Variants in UNC5D observed in about 807,000 individuals in gnomAD.
UNC5D encodes the protein unc-5 netrin receptor D.
Under a neutral mutation model 105.4 loss-of-function variants are expected in UNC5D, and 39 were observed. That is an observed-to-expected ratio of 0.37 (90% CI 0.29 to 0.48). The LOEUF (loss-of-function observed/expected upper bound fraction) is 0.48, where lower values mean the gene tolerates loss of function less well. Ranked by LOEUF, UNC5D falls within the 20% of genes least tolerant of loss-of-function variation. The pLI, the probability that UNC5D is intolerant of heterozygous loss-of-function variation, is 0.98. For missense variants in UNC5D, 991 were observed against 1,202.4 expected (o/e 0.82, Z 2.60); for synonymous variants, 452 against 450.4 (o/e 1.00, Z -0.04).
intron 1 of UNC5D, among the ~76,000 whole-genome samples, chr8:35,416,527 A>G (rs1241379455): frequency 1.3e-5 from 2 of 152,202 alleles, no homozygotes; most frequent in Non-Finnish European, 2.9e-5. Flanking sequence ...GTCACTTACA[A>G]GAGATAAATT....
chr8:35,587,135 C>T (rs1486664953), intron 3 of UNC5D, among the ~76,000 whole-genome samples: 1 of 152,178 alleles, frequency 6.6e-6, no homozygotes, highest in African/African-American at 2.4e-5. Flanking sequence ...CCTCTCCCTC[C>T]TCTTCACTTC....
intron 1 of UNC5D, among the ~76,000 whole-genome samples, chr8:35,459,077 T>G (rs1204716337): frequency 1.3e-5 from 2 of 152,202 alleles, no homozygotes; most frequent in Non-Finnish European, 2.9e-5. Flanking sequence ...ATGAGCTGGT[T>G]GGTTATCTCC....
In UNC5D at chr8:35,704,065, T is replaced by TA. The variant is rs199596460; in HGVS notation, c.1085-1855dup. 9.6e-4 allele frequency among the ~76,000 whole-genome samples: 145 copies of TA among 151,746 alleles called. No individual in the cohort carries two copies. The Middle Eastern group carries it at 0.01, about 11-fold the overall frequency. On this transcript the variant is annotated intron_variant, in intron 7 of 16. Transcript: ENST00000404895. ...CTCTGTTTTAAGAAACCTGACTATG[T>TA]AAAAAAAAATCTGACTATGATCATA...
intron 1 of UNC5D, among the ~76,000 whole-genome samples, chr8:35,420,728 A>G (rs1426960125): frequency 7.6e-6 from 1 of 131,232 alleles, no homozygotes; most frequent in Non-Finnish European, 1.7e-5. Flanking sequence ...ATTAAATGGT[A>G]TTAATACCAT....
At chr8:35,316,407 T>C (rs1585567340) in intron 1 of UNC5D, among the ~76,000 whole-genome samples, 2 of 152,172 alleles carry the variant, frequency 1.3e-5, no homozygotes, top group African/African-American at 4.8e-5. Context: ...TGCTAATTGA[T>C]CCTGTAAAGA....
At chr8:35,556,319 A>G (rs1365057988) in intron 2 of UNC5D, among the ~76,000 whole-genome samples, 2 of 152,254 alleles carry the variant, frequency 1.3e-5, no homozygotes, top group African/African-American at 4.8e-5. Context: ...GCAGGTAAAT[A>G]TTTGCCCTTT....
At chr8:35,785,989 A>C (rs1317411349) in intron 16 of UNC5D, among the ~76,000 whole-genome samples, 1 of 152,116 alleles carries the variant, frequency 6.6e-6, no homozygotes, top group Non-Finnish European at 1.5e-5. Context: ...TTGATTTCGC[A>C]ATAATGAAAC....
At chr8:35,469,850 A>C (rs1018994611) in intron 1 of UNC5D, among the ~76,000 whole-genome samples, 1 of 152,206 alleles carries the variant, frequency 6.6e-6, no homozygotes, top group Non-Finnish European at 1.5e-5. Flanking sequence ...AAATATCAAA[A>C]TATGATACAG....
At chr8:35,321,011 T>C (rs1321117034) in intron 1 of UNC5D, among the ~76,000 whole-genome samples, 1 of 152,202 alleles carries the variant, frequency 6.6e-6, no homozygotes, top group Admixed American at 6.6e-5. Context: ...CTTTGTTCTC[T>C]GGAGCATTCC....
At chr8:35,688,217 C>T (rs903629119) in intron 7 of UNC5D, among the ~76,000 whole-genome samples, 5 of 150,176 alleles carry the variant, frequency 3.3e-5, no homozygotes, top group Admixed American at 2.7e-4. Context: ...GTCGCCTTCT[C>T]GGAAATTTCT....
At chr8:35,635,225 A>G (rs764435768) in intron 4 of UNC5D, among the ~76,000 whole-genome samples, 2 of 151,688 alleles carry the variant, frequency 1.3e-5, no homozygotes, top group Non-Finnish European at 2.9e-5. Context: ...TTCCTCCTCC[A>G]TGTCAGGTAT....
At chr8:35,443,972 T>A (rs1467159674) in intron 1 of UNC5D, among the ~76,000 whole-genome samples, 2 of 152,036 alleles carry the variant, frequency 1.3e-5, no homozygotes, top group African/African-American at 2.4e-5. Context: ...TTATTGTAAG[T>A]GTTTTTTCTC....
At chr8:35,545,639 G>A (rs770555448) in intron 1 of UNC5D, among the ~76,000 whole-genome samples, 8 of 150,968 alleles carry the variant, frequency 5.3e-5, no homozygotes, top group Non-Finnish European at 1.2e-4. Flanking sequence ...CCAGCACTTC[G>A]CTATACAAAG....
intron 2 of UNC5D, among the ~76,000 whole-genome samples, chr8:35,564,630 G>T (rs1048695512): frequency 2.6e-5 from 4 of 152,170 alleles, no homozygotes; most frequent in Non-Finnish European, 4.4e-5. Context: ...AGAGGTACGA[G>T]TGGTTTTTGG....
At chr8:35,660,961 G>A (rs1312125756) in intron 4 of UNC5D, among the ~76,000 whole-genome samples, 1 of 152,108 alleles carries the variant, frequency 6.6e-6, no homozygotes, top group African/African-American at 2.4e-5. Context: ...AGCTGGGCAT[G>A]GTGGCTTGTG....
chr8:35,458,835 G>C (rs914270165), intron 1 of UNC5D, among the ~76,000 whole-genome samples: 1 of 152,136 alleles, frequency 6.6e-6, no homozygotes, highest in Non-Finnish European at 1.5e-5. Context: ...TGAAAGGCTG[G>C]TAAACAATTT....
intron 1 of UNC5D, among the ~76,000 whole-genome samples, chr8:35,319,223 C>G (rs1302351820): frequency 6.6e-6 from 1 of 152,060 alleles, no homozygotes; most frequent in Non-Finnish European, 1.5e-5. Context: ...ACCCTTCAGG[C>G]AAACTTAATC....
At chr8:35,742,766 T>C (rs539575190) in intron 11 of UNC5D, among the ~76,000 whole-genome samples, 14 of 152,280 alleles carry the variant, frequency 9.2e-5, no homozygotes, top group African/African-American at 3.1e-4. Context: ...CATCCTGCCA[T>C]GGTTATTAGC....
chr8:35,783,492 A>G (rs1802602627), intron 16 of UNC5D, among the ~76,000 whole-genome samples: 1 of 152,130 alleles, frequency 6.6e-6, no homozygotes, highest in Admixed American at 6.5e-5. Flanking sequence ...GGAATTTTGA[A>G]TGAAAGTGAG....
Sources: allele counts gnomAD v4.1 joint callset (sites outside exome capture counted in the v4.1 genomes callset), GRCh38; gene constraint gnomAD v4.1.1; transcripts MANE v1.5; gene names NCBI Gene and HGNC (gene_info 2026-07-23, HGNC 2026-07-21).